The following SPATS2 variants were observed in gnomAD, a reference collection of about 807,000 sequenced individuals.
The protein encoded by SPATS2 is spermatogenesis associated serine rich 2, also known as spermatogenesis-associated serine-rich protein 2.
In SPATS2, 38 loss-of-function variants were observed where a neutral mutation model predicts 63.7. That is an observed-to-expected ratio of 0.60 (90% CI 0.46 to 0.78). The LOEUF (loss-of-function observed/expected upper bound fraction) is 0.78. Ranked by LOEUF, SPATS2 falls within the 30% of genes least tolerant of loss-of-function variation. The probability of loss-of-function intolerance (pLI) is 0.00; values close to 1 mark genes in which losing one functional copy is unlikely to be tolerated. For missense variants in SPATS2, 588 were observed against 666.2 expected, an observed-to-expected ratio of 0.88 and a Z score of 1.29; for synonymous variants, 207 against 232.9, an observed-to-expected ratio of 0.89 and a Z score of 1.01.
At chr12:49,377,193 T>C (rs890440227) in intron 2 of SPATS2, among the ~76,000 whole-genome samples, 1 of 152,164 alleles carries the variant, frequency 6.6e-6, no homozygotes, top group African/African-American at 2.4e-5. Flanking sequence ...TACTCAAAGG[T>C]TGTATTGTAT....
chr12:49,452,760 T>TTATTTTTTTTTAA (rs1421937344), intron 2 of SPATS2, among the ~76,000 whole-genome samples: 1 of 152,080 alleles, frequency 6.6e-6, no homozygotes, highest in Non-Finnish European at 1.5e-5. Context: ...TCTTTATTTT[T>TTATTTTTTTTTAA]TATTTTTTTT....
intron 13 of SPATS2, 67 bp downstream of exon 13, chr12:49,524,963 G>A: frequency 1.4e-6 from 2 of 1,471,538 alleles, no homozygotes; most frequent in Non-Finnish European, 1.9e-6. Flanking sequence ...CTTAAATGCT[G>A]TTAGCTCAGT....
chr12:49,514,432 ATAT>A (rs1313894649), intron 9 of SPATS2, 120 bp from the exon 10 acceptor site: 2 of 784,516 alleles, frequency 2.5e-6, no homozygotes, highest in African/African-American at 1.7e-5. Context: ...GATCCATACA[ATAT>A]TATTTTTTAG....
chr12:49,423,279 C>T (rs1227742248), intron 2 of SPATS2, among the ~76,000 whole-genome samples: 5 of 151,854 alleles, frequency 3.3e-5, no homozygotes, highest in African/African-American at 4.8e-5. Context: ...ACTACAGGCA[C>T]GCACCACCAC....
chr12:49,443,170 C>T (rs1388408698), intron 2 of SPATS2, among the ~76,000 whole-genome samples: 1 of 152,190 alleles, frequency 6.6e-6, no homozygotes, highest in Non-Finnish European at 1.5e-5. Context: ...TTAGGTGCTC[C>T]ACCTCTTGGC....
At chr12:49,390,582 G>A (rs7488270) in intron 2 of SPATS2, among the ~76,000 whole-genome samples, 14,058 of 152,124 alleles carry the variant, frequency 0.092, 757 homozygotes, top group African/African-American at 0.14. Flanking sequence ...CTTATTTGGC[G>A]TTAAAGTTAA....
intron 3 of SPATS2, among the ~76,000 whole-genome samples, chr12:49,477,036 C>T (rs1374236091): frequency 1.3e-5 from 2 of 150,474 alleles, no homozygotes; most frequent in Non-Finnish European, 2.9e-5. Context: ...ACCTGGGAGG[C>T]GGAGGTTGCA....
intron 2 of SPATS2, among the ~76,000 whole-genome samples, chr12:49,440,556 C>T (rs1945398771): frequency 6.6e-6 from 1 of 151,612 alleles, no homozygotes; most frequent in South Asian, 2.1e-4. Context: ...GCAACTTCCA[C>T]CTCCCGAGTT....
At chr12:49,372,733 C>T (rs966804198) in intron 2 of SPATS2, among the ~76,000 whole-genome samples, 5 of 151,872 alleles carry the variant, frequency 3.3e-5, no homozygotes, top group Admixed American at 2.6e-4. Context: ...AAAAAAATTT[C>T]GTGTCTGCTG....
Position 49,444,365 on chromosome 12 carries a change from AC to A in SPATS2, c.-243-16404del, listed in dbSNP as rs570083186. Among the ~76,000 whole-genome samples the A allele has an allele frequency of 6.5e-4, 98 of 151,672 alleles. 2 individuals carry two copies. Among genetic ancestry groups the A allele is most frequent in the South Asian group, 5.0e-3 (24 of 4,792 alleles). ...TGTGAGTAGCTGGGACTGTAGTTGC[AC>A]GTCATTGTGCCCAGCTAATTTAAAT... On this transcript the variant is annotated intron_variant, in intron 2 of 13. Coordinates refer to ENST00000552918, the MANE Select transcript of SPATS2 (RefSeq NM_023071.4).
chr12:49,450,388 C>T (rs1032980400), intron 2 of SPATS2, among the ~76,000 whole-genome samples: 24 of 151,930 alleles, frequency 1.6e-4, no homozygotes, highest in Admixed American at 1.2e-3. Context: ...GGACCACAGG[C>T]GCCCGACACC....
At chr12:49,412,498 G>A (rs374309605) in intron 2 of SPATS2, among the ~76,000 whole-genome samples, 8 of 152,054 alleles carry the variant, frequency 5.3e-5, no homozygotes, top group African/African-American at 1.4e-4. Context: ...TACTGTGCCC[G>A]GTTAAATTAC....
intron 9 of SPATS2, among the ~76,000 whole-genome samples, chr12:49,506,708 G>A (rs376528041): frequency 6.6e-6 from 1 of 151,964 alleles, no homozygotes; most frequent in Non-Finnish European, 1.5e-5. Context: ...TTAACTGGGC[G>A]CAATGACACG....
intron 2 of SPATS2, among the ~76,000 whole-genome samples, chr12:49,448,341 G>C (rs145486347): frequency 5.3e-5 from 8 of 151,566 alleles, no homozygotes; most frequent in Non-Finnish European, 1.2e-4. Context: ...GGGTTTCACC[G>C]TGTTAGTCAG....
intron 2 of SPATS2, among the ~76,000 whole-genome samples, chr12:49,458,138 C>T (rs1272397725): frequency 1.3e-5 from 2 of 152,038 alleles, no homozygotes; most frequent in Admixed American, 6.6e-5. Flanking sequence ...AGTCAGGTGC[C>T]CAGGTATGAG....
intron 2 of SPATS2, among the ~76,000 whole-genome samples, chr12:49,452,380 A>G (rs1945638616): frequency 6.6e-6 from 1 of 152,208 alleles, no homozygotes; most frequent in Admixed American, 6.5e-5. Flanking sequence ...TCTGAGCTCA[A>G]GCCATCCTCC....
intron 2 of SPATS2, among the ~76,000 whole-genome samples, chr12:49,434,560 T>A (rs1248547136): frequency 6.6e-6 from 1 of 152,234 alleles, no homozygotes; most frequent in Admixed American, 6.5e-5. Context: ...TCTTCTGTTG[T>A]GATTTGAAAT....
chr12:49,429,277 A>G (rs1336016050), intron 2 of SPATS2, among the ~76,000 whole-genome samples: 1 of 152,146 alleles, frequency 6.6e-6, no homozygotes, highest in Non-Finnish European at 1.5e-5. Flanking sequence ...AAAAAAATTA[A>G]TTGGTTTTTC....
intron 12 of SPATS2, among the ~76,000 whole-genome samples, chr12:49,524,232 T>C (rs987127075): frequency 6.6e-6 from 1 of 152,228 alleles, no homozygotes; most frequent in African/African-American, 2.4e-5. Context: ...CATTCAAAAT[T>C]CTTTAAAAAG....
Sources: gnomAD v4.1 joint callset for allele counts (sites outside exome capture counted in the v4.1 genomes callset) on GRCh38, gnomAD v4.1.1 for gene constraint, MANE v1.5 for transcripts, NCBI Gene and HGNC (gene_info 2026-07-23, HGNC 2026-07-21) for gene names.